KIF23: variants seen among roughly 807,000 people sequenced by gnomAD.
KIF23 encodes kinesin family member 23.
In KIF23, 30 loss-of-function variants were observed where a neutral mutation model predicts 137.5. That is an observed-to-expected ratio of 0.22 (90% CI 0.16 to 0.30). KIF23 has a LOEUF of 0.30. Among genes scored for constraint, KIF23 ranks in the 10% least tolerant of loss-of-function variants. KIF23 has a pLI of 1.00. For missense variants in KIF23, 920 were observed against 1,194.3 expected (o/e 0.77, Z 3.38); for synonymous variants, 367 against 391.1 (o/e 0.94, Z 0.73).
chr15:69,446,206 A>C, intron 21 of KIF23, 77 bp from the exon 22 acceptor site: 3 of 1,420,416 alleles, frequency 2.1e-6, no homozygotes, highest in Non-Finnish European at 3.0e-6. Flanking sequence ...GGATGTAGAT[A>C]GTATTCCCCT....
chr15:69,415,218 A>G (rs2056868772), intron 1 of KIF23, among the ~76,000 whole-genome samples: 1 of 152,218 alleles, frequency 6.6e-6, no homozygotes, highest in African/African-American at 2.4e-5. Flanking sequence ...AAATCTTTAG[A>G]TGAAAAAAAT....
chr15:69,447,767 C>CT (rs779368601), intron 23 of KIF23, 25 bp from the exon 24 acceptor site: 16 of 1,598,540 alleles, frequency 1.0e-5, no homozygotes, highest in East Asian at 2.2e-5. Context: ...AAGTTCAACT[C>CT]TAAGTGCTGG....
intron 7 of KIF23, among the ~76,000 whole-genome samples, chr15:69,424,404 CA>C (rs1253592677): frequency 6.6e-6 from 1 of 152,200 alleles, no homozygotes; most frequent in East Asian, 1.9e-4. Flanking sequence ...GAGAACTTTA[CA>C]AAGGGACTTA....
Position 69,447,773 on chromosome 15 carries a change from G to C in KIF23, c.2910-19G>C. 6.2e-7 allele frequency: 1 copy of C among 1,600,876 alleles called. No individual in the cohort carries two copies. The highest frequency in any genetic ancestry group is 8.5e-7 in the Non-Finnish European group (1 of 1,171,134). On this transcript the variant is annotated intron_variant, in intron 23 of 23. Coordinates refer to ENST00000679126, the MANE Select transcript of KIF23 (RefSeq NM_001367805.3). ...CTAATTGCAAAGTTCAACTCTAAGT[G>C]CTGGTTGTTATGTTTTAGGCGCAAA...
intron 20 of KIF23, among the ~76,000 whole-genome samples, chr15:69,445,605 A>G (rs755899069): frequency 1.5e-4 from 23 of 151,752 alleles, no homozygotes; most frequent in Non-Finnish European, 2.8e-4. Flanking sequence ...TGTTCTTATT[A>G]TAATTAGCTA....
rs1050865490 is a variant in KIF23, at chr15:69,417,419, C to G, written c.118C>G (p.Gln40Glu). ...CRVRPLGFPD[Q>E]ECCIEVINNT... ...GGTGCGCCCACTGGGCTTTCCTGAT[C>G]AAGAGTGTTGCATAGAAGTGATCAA... Residue 40 changes from glutamine to glutamate, a missense_variant, in exon 3 of 24, where the codon CAA becomes GAA. This residue lies in a region of KIF23 where 124 missense variants were observed against 122.0 expected (regional missense o/e 1.02). Coordinates refer to ENST00000679126, the MANE Select transcript of KIF23 (RefSeq NM_001367805.3). 6.2e-7 allele frequency: 1 copy of G among 1,612,988 alleles called. No homozygotes were observed. The highest frequency in any genetic ancestry group is 8.5e-7 in the Non-Finnish European group (1 of 1,179,500).
In KIF23 at chr15:69,416,771, A is replaced by G. The variant is rs182189576; in HGVS notation, c.82-612A>G. Among the ~76,000 whole-genome samples, 774 of 152,238 alleles carry G rather than the reference A, an allele frequency of 5.1e-3. 3 individuals carry two copies. The highest frequency in any genetic ancestry group is 8.0e-3 in the Non-Finnish European group (545 of 68,012). On this transcript the variant is annotated intron_variant, in intron 2 of 23. Transcript: ENST00000679126. ...GGAGTTCGAGACCAGCCTGGCCAAC[A>G]TGGCGAAACCCTGTCTCTACTAAAA...
chr15:69,434,249 C>T (rs902558811), intron 11 of KIF23, among the ~76,000 whole-genome samples: 22 of 152,152 alleles, frequency 1.4e-4, no homozygotes, highest in African/African-American at 3.1e-4. Flanking sequence ...AAAATTTTTC[C>T]GAAGCACCAG....
chr15:69,442,733 C>T (rs1296330826), intron 19 of KIF23, among the ~76,000 whole-genome samples: 1 of 152,168 alleles, frequency 6.6e-6, no homozygotes, highest in Non-Finnish European at 1.5e-5. Context: ...GTATGCCTTG[C>T]AAACCGTAAT....
chr15:69,443,449 C>A (rs2057673047), intron 19 of KIF23, among the ~76,000 whole-genome samples: 1 of 138,064 alleles, frequency 7.2e-6, no homozygotes, highest in Non-Finnish European at 1.5e-5. Flanking sequence ...AGTGATCGTT[C>A]TACCTCAGCC....
rs745348966 is a variant in KIF23 at position 69,438,235 on chromosome 15, G to GT, written c.1598-8dup. The GT allele has an allele frequency of 4.8e-5, 76 of 1,587,804 alleles. No homozygotes were observed. The highest frequency in any genetic ancestry group is 6.1e-5 in the Non-Finnish European group (71 of 1,170,998). On this transcript the variant is annotated splice_polypyrimidine_tract_variant and intron_variant, in intron 15 of 23. Coordinates refer to ENST00000679126, the MANE Select transcript of KIF23 (RefSeq NM_001367805.3). ...AACTGGTGTAAAACTTGACCTGTATGTTTTTGTTTCAGCTAATGCTTTTAA... is the reference window on the plus strand; with the variant it reads ...AACTGGTGTAAAACTTGACCTGTATGTTTTTTGTTTCAGCTAATGCTTTTAA...
chr15:69,430,816 A>G (rs2057338838), intron 11 of KIF23, among the ~76,000 whole-genome samples: 2 of 152,188 alleles, frequency 1.3e-5, no homozygotes, highest in South Asian at 4.1e-4. Flanking sequence ...GTATGATAGT[A>G]TCCACACACT....
Position 69,420,040 on chromosome 15 carries a change from G to A in KIF23, c.211-1607G>A, listed in dbSNP as rs149971470. ...AGCACTTTGGGAGGCCGAGGCAGAG[G>A]GATTACTTGAGATCAGGAGTTCGAG... On this transcript the variant is annotated intron_variant, in intron 3 of 23. Coordinates refer to ENST00000679126, the MANE Select transcript of KIF23 (RefSeq NM_001367805.3). Among the ~76,000 whole-genome samples the A allele has an allele frequency of 2.0e-3, 300 of 152,224 alleles. 1 individual carries two copies. The highest frequency in any genetic ancestry group is 7.0e-3 in the African/African-American group (292 of 41,528).
chr15:69,421,724 G>A lies in KIF23; in HGVS notation c.288G>A (p.Leu96=). 1 of 1,612,920 alleles carries A rather than the reference G, an allele frequency of 6.2e-7. No homozygotes were observed. Among genetic ancestry groups the A allele is most frequent in the South Asian group, 1.1e-5 (1 of 90,966 alleles). Residue 96 remains leucine (L), a synonymous_variant, in exon 4 of 24, where the codon TTG becomes TTA. Coordinates refer to ENST00000679126, the MANE Select transcript of KIF23 (RefSeq NM_001367805.3). ...KELFDVVANP[L]VNDLIHGKNG... is the part of the protein sequence containing the mutation. ...TCTTTGATGTTGTGGCTAATCCCTT[G>A]GTCAATGACCTCATTCATGGCAAAA...
In KIF23 at chr15:69,428,431, C is replaced by T. The variant is rs188620501; in HGVS notation, c.1012-680C>T. 1.0e-3 allele frequency among the ~76,000 whole-genome samples: 151 copies of T among 151,390 alleles called. 1 individual carries two copies. Among genetic ancestry groups the T allele is most frequent in the African/African-American group, 3.5e-3 (145 of 41,276 alleles). Reference sequence around the variant, plus strand: ...AAGCACTTTGGGAGGCTGAGGCGGGCGGATCAACTGAGGTCAGGAGTTCGA... The same window carrying T: ...AAGCACTTTGGGAGGCTGAGGCGGGTGGATCAACTGAGGTCAGGAGTTCGA... On this transcript the variant is annotated intron_variant, in intron 10 of 23. Coordinates refer to ENST00000679126, the MANE Select transcript of KIF23 (RefSeq NM_001367805.3).
At chr15:69,434,950 T>C in intron 11 of KIF23, 2 of 654,788 alleles carry the variant, frequency 3.1e-6, no homozygotes, top group Non-Finnish European at 5.3e-6. Context: ...GGCATGAGGA[T>C]GGGCGAGCCC....
At position 69,414,450 on chromosome 15, in the gene KIF23, C is replaced by T. The variant is rs1358799725; in HGVS notation, c.-16C>T. On this transcript the variant is annotated 5_prime_UTR_variant, in exon 1 of 24. Transcript: ENST00000679126. The stretch of plus-strand genomic sequence containing the variant: ...CCGTCCCGCATGCGCGTTTGGGCGG[C>T]GTGGAGCCTGCTGCCATGAAGTCAG... 3 of 1,586,470 alleles carry T rather than the reference C, an allele frequency of 1.9e-6. No homozygotes were observed. Among genetic ancestry groups the T allele is most frequent in the South Asian group, 1.2e-5 (1 of 86,730 alleles).
Position 69,441,020 on chromosome 15 carries a change from A to G in KIF23, c.2362A>G (p.Arg788Gly). The G allele has an allele frequency of 6.2e-7, 1 of 1,614,162 alleles. No individual in the cohort carries two copies. Among genetic ancestry groups the G allele is most frequent in the Non-Finnish European group, 8.5e-7 (1 of 1,180,000 alleles). Residue 788 changes from arginine to glycine, a missense_variant, in exon 19 of 24, where the codon AGG (arginine) becomes GGG (glycine). By Grantham distance (125) the Arg-to-Gly change is moderately radical. Transcript: ENST00000679126. ...GCGAGGGATGTACTGGACTGAAGGC[A>G]GGGAGGTGGTTCCTACATTCAGAAA... ...RRRGMYWTEG[R>G]EVVPTFRNEI... is the part of the protein sequence containing the mutation.
intron 19 of KIF23, among the ~76,000 whole-genome samples, chr15:69,442,614 A>G (rs1163576203): frequency 1.3e-5 from 2 of 152,160 alleles, no homozygotes; most frequent in Non-Finnish European, 2.9e-5. Flanking sequence ...TACTTTGCAG[A>G]TTTTTCCTTA....
Sources: gnomAD v4.1 joint callset for allele counts (sites outside exome capture counted in the v4.1 genomes callset) on GRCh38, gnomAD v4.1.1 for gene constraint, gnomAD v4.1.1 regional missense constraint, MANE v1.5 for transcripts, NCBI Gene and HGNC (gene_info 2026-07-23, HGNC 2026-07-21) for gene names.